The following PEX16 variants were observed in gnomAD, a reference collection of about 807,000 sequenced individuals.
The protein encoded by PEX16 is peroxin 16.
Under a neutral mutation model 50.5 loss-of-function variants are expected in PEX16, and 37 were observed. The ratio of observed to expected loss-of-function variants is 0.73; its 90% CI spans 0.56 to 0.96. The LOEUF (loss-of-function observed/expected upper bound fraction) is 0.96, where lower values mean the gene tolerates loss of function less well. PEX16 is among the 40% of genes least tolerant of loss of function. The pLI is 0.00. For missense variants in PEX16, 401 were observed against 438.3 expected (o/e 0.91, Z 0.76); for synonymous variants, 185 against 190.3 (o/e 0.97, Z 0.23).
At chr11:45,918,207 T>A (rs1275381716), upstream of PEX16, 1 of 314,240 alleles carries the variant, frequency 3.2e-6, no homozygotes, top group East Asian at 8.0e-5. Context: ...AGAAGGGAGC[T>A]GGAGCCCCGA....
chr11:45,913,871 T>C lies in PEX16; in HGVS notation c.835A>G (p.Ile279Val), dbSNP rs1255335729. Residue 279 changes from isoleucine (I) to valine (V), a missense_variant, in exon 9 of 11, where the codon ATC (isoleucine) becomes GTC (valine). Transcript: ENST00000378750. ...CGCAGCAGGTAGTAGAGCAGCAGGATGGTCCGGCGCCGCAGCTCCCGCCGC... is the reference window on the plus strand; with the variant it reads ...CGCAGCAGGTAGTAGAGCAGCAGGACGGTCCGGCGCCGCAGCTCCCGCCGC... ...RERRELRRRT[I>V]LLLYYLLRSP... The C allele has an allele frequency of 1.9e-6, 3 of 1,613,050 alleles. No homozygotes were observed. The highest frequency in any genetic ancestry group is 2.7e-5 in the African/African-American group (2 of 74,904).
Position 45,910,316 on chromosome 11 carries a change from C to A in PEX16, c.953-4G>T. The A allele has an allele frequency of 6.2e-7, 1 of 1,611,772 alleles. No homozygotes were observed. The highest frequency in any genetic ancestry group is 8.5e-7 in the Non-Finnish European group (1 of 1,178,142). On this transcript the variant is annotated splice_polypyrimidine_tract_variant and splice_region_variant and intron_variant, in intron 10 of 10. Transcript: ENST00000378750. The stretch of plus-strand genomic sequence containing the variant: ...GGCAAGTAATCCATGAGCGGCCCTG[C>A]AGTGGGAGAGGGACACATCAGGGCA...
rs367737726 is a variant in PEX16, at chr11:45,910,856, G to C, written c.952+42C>G. The C allele has an allele frequency of 5.8e-6, 9 of 1,540,318 alleles. No homozygotes were observed. The African/African-American group carries it at 8.2e-5, about 14-fold the overall frequency. On this transcript the variant is annotated intron_variant, in intron 10 of 10. Transcript: ENST00000378750. ...GTCAGGGAGGTGCTTGCATGCATGC[G>C]CCTTCCAGCACTACAGTCATCGCGT...
At chr11:45,910,510 ACT>A (rs1445782638) in intron 10 of PEX16, among the ~76,000 whole-genome samples, 198 bp from the exon 11 acceptor site, 1 of 152,120 alleles carries the variant, frequency 6.6e-6, no homozygotes, top group Non-Finnish European at 1.5e-5. Context: ...CAGGGTAGAC[ACT>A]GAGGGGCCTG....
chr11:45,913,375 G>A (rs2086797465), intron 9 of PEX16, among the ~76,000 whole-genome samples: 1 of 152,198 alleles, frequency 6.6e-6, no homozygotes, highest in Non-Finnish European at 1.5e-5. Flanking sequence ...GGCAGGGAAG[G>A]CCAGGGGAGA....
chr11:45,915,938 C>T, intron 3 of PEX16, 102 bp from the exon 4 acceptor site: 1 of 1,168,740 alleles, frequency 8.6e-7, no homozygotes, highest in Non-Finnish European at 1.3e-6. Flanking sequence ...TGTGGACCTT[C>T]CCCTTTCCAA....
At chr11:45,914,756 C>T (rs2086816646) in intron 5 of PEX16, 72 bp from the exon 6 acceptor site, 3 of 1,267,486 alleles carry the variant, frequency 2.4e-6, no homozygotes, top group Non-Finnish European at 3.5e-6. Flanking sequence ...AGAACGTGTG[C>T]AGTGAATGCT....
At chr11:45,913,149 G>A (rs1454173538) in intron 9 of PEX16, among the ~76,000 whole-genome samples, 2 of 152,080 alleles carry the variant, frequency 1.3e-5, no homozygotes, top group Non-Finnish European at 2.9e-5. Context: ...GCTATTATTA[G>A]GTCCTAGACA....
At chr11:45,914,934 C>T (rs1273911224) in intron 5 of PEX16, among the ~76,000 whole-genome samples, 6 of 152,228 alleles carry the variant, frequency 3.9e-5, no homozygotes, top group African/African-American at 1.4e-4. Flanking sequence ...AGCCAGCCTC[C>T]CGGAACCCAT....
chr11:45,912,905 C>T (rs897602199), intron 9 of PEX16, among the ~76,000 whole-genome samples: 5 of 152,044 alleles, frequency 3.3e-5, no homozygotes, highest in East Asian at 3.9e-4. Context: ...TAACTCACTG[C>T]AGCCTCAGCC....
intron 10 of PEX16, 74 bp from the exon 11 acceptor site, chr11:45,910,386 C>G (rs1334177527): frequency 7.9e-7 from 1 of 1,262,438 alleles, no homozygotes; most frequent in African/African-American, 1.5e-5. Context: ...CAGCACCTCA[C>G]CCCTGCGGCC....
intron 9 of PEX16, among the ~76,000 whole-genome samples, 200 bp downstream of exon 9, chr11:45,913,619 G>C (rs1160089261): frequency 6.6e-6 from 1 of 152,248 alleles, no homozygotes; most frequent in Non-Finnish European, 1.5e-5. Context: ...CAATGTTTAA[G>C]TTCCTGCTCA....
chr11:45,911,676 C>T, intron 9 of PEX16, among the ~76,000 whole-genome samples: 1 of 152,222 alleles, frequency 6.6e-6, no homozygotes, highest in East Asian at 1.9e-4. Flanking sequence ...CCCAAGGCTA[C>T]ACATCTGGAA....
chr11:45,913,296 C>A (rs2086796871), intron 9 of PEX16, among the ~76,000 whole-genome samples: 1 of 152,188 alleles, frequency 6.6e-6, no homozygotes, highest in Admixed American at 6.5e-5. Context: ...GCCCCCTGCT[C>A]AACCCAGCAG....
In PEX16 at chr11:45,913,836, G is replaced by C. The variant is rs1401041189; in HGVS notation, c.870C>G (p.Phe290Leu). The part of the protein sequence containing the change: ...LLLYYLLRSP[F>L]YDRFSEARIL... ...GTGCTTACTCGGAGAAGCGGTCATA[G>C]AAAGGAGAGCGCAGCAGGTAGTAGA... Residue 290 changes from phenylalanine (F) to leucine (L), a missense_variant, in exon 9 of 11, where the codon TTC (phenylalanine) becomes TTG (leucine). Coordinates refer to ENST00000378750, the MANE Select transcript of PEX16 (RefSeq NM_004813.4). 1 of 1,613,954 alleles carries C rather than the reference G, an allele frequency of 6.2e-7. No individual in the cohort carries two copies. Among genetic ancestry groups the C allele is most frequent in the Admixed American group, 1.7e-5 (1 of 60,028 alleles).
chr11:45,917,385 T>C, intron 2 of PEX16, 73 bp downstream of exon 2: 2 of 1,442,488 alleles, frequency 1.4e-6, no homozygotes, highest in South Asian at 1.1e-5. Flanking sequence ...GCTGGGGTGC[T>C]CACCCTCTCT....
exon 1 of PEX16, chr11:45,917,869 GCTTCCTGCGCCCTC>G: frequency 1.6e-6 from 2 of 1,236,184 alleles, no homozygotes; most frequent in Non-Finnish European, 2.3e-6. Context: ...GCGGCGCCCT[GCTTCCTGCGCCCTC>G]CTTCCTGCTT....
chr11:45,918,359 G>A (rs992237807), upstream of PEX16: 2 of 182,014 alleles, frequency 1.1e-5, no homozygotes, highest in South Asian at 9.3e-5. Context: ...CTGTGTCTCA[G>A]CAGGCGCGCG....
Position 45,909,666 on chromosome 11 carries a change from T to G in PEX16, c.*588A>C. On this transcript the variant is annotated 3_prime_UTR_variant, in exon 11 of 11. Coordinates refer to ENST00000378750, the MANE Select transcript of PEX16 (RefSeq NM_004813.4). ...TGCTGGCCAGTGCCCGATGTCCTTT[T>G]TCTAAGGGAGAAAAGCCTTTTACTC... 4.4e-6 allele frequency: 1 copy of G among 227,726 alleles called. No homozygotes were observed. The highest frequency in any genetic ancestry group is 2.2e-5 in the African/African-American group (1 of 44,544). 14.1% of individuals were successfully genotyped at this position (227,726 alleles called of 1,614,324 possible).
Sources: gnomAD v4.1 joint callset for allele counts (sites outside exome capture counted in the v4.1 genomes callset) on GRCh38, gnomAD v4.1.1 for gene constraint, MANE v1.5 for transcripts, NCBI Gene and HGNC (gene_info 2026-07-23, HGNC 2026-07-21) for gene names.